Variants in TRIM71 observed in about 807,000 individuals in gnomAD.
TRIM71 encodes the protein E3 ubiquitin-protein ligase TRIM71.
In TRIM71, 9 loss-of-function variants were observed where a neutral mutation model predicts 61.2. That is an observed-to-expected ratio of 0.15 (90% confidence interval 0.09 to 0.26). The LOEUF is 0.26. Ranked by LOEUF, TRIM71 falls within the 10% of genes least tolerant of loss-of-function variation. The probability of loss-of-function intolerance (pLI) is 1.00; values close to 1 mark genes in which losing one functional copy is unlikely to be tolerated. For synonymous variants in TRIM71, 645 were observed against 553.2 expected, an observed-to-expected ratio of 1.17 and a Z score of -2.33; for missense variants, 998 against 1,238.7, an observed-to-expected ratio of 0.81 and a Z score of 2.92.
At chr3:32,865,529 C>G (rs1009003749) in intron 1 of TRIM71, among the ~76,000 whole-genome samples, 6 of 152,082 alleles carry the variant, frequency 3.9e-5, no homozygotes, top group Admixed American at 6.6e-5. Flanking sequence ...TGGTCGAAGG[C>G]GTTTGCTGTG....
rs977715956 is a variant in TRIM71 at position 32,890,183 on chromosome 3, G to A, written c.1156-177G>A. ...CTCTGTAACCCAGAACAGTTCTTCA[G>A]GTTTTTTGGTCCATTTTGATTTTGC... On this transcript the variant is annotated intron_variant, in intron 3 of 3. Coordinates refer to ENST00000383763, the MANE Select transcript of TRIM71 (RefSeq NM_001039111.3). This position sits in a 1 kb window ranked among gnomAD's most constrained non-coding sequence, Gnocchi z 6.2. Among the ~76,000 whole-genome samples, 1 of 152,096 alleles carries A rather than the reference G, an allele frequency of 6.6e-6. No individual in the cohort carries two copies. Among genetic ancestry groups the A allele is most frequent in the Non-Finnish European group, 1.5e-5 (1 of 68,018 alleles).
At chr3:32,820,669 A>G (rs1209404628) in intron 1 of TRIM71, among the ~76,000 whole-genome samples, 5 of 152,220 alleles carry the variant, frequency 3.3e-5, no homozygotes, top group Admixed American at 2.6e-4. Context: ...AGATACACCT[A>G]TATTTTATTT....
chr3:32,839,654 C>CT (rs143600217), intron 1 of TRIM71, among the ~76,000 whole-genome samples: 6 of 83,780 alleles, frequency 7.2e-5, no homozygotes, highest in Middle Eastern at 5.6e-3. Flanking sequence ...GATTATTGAG[C>CT]TTTTTTTGGG....
rs71068090 is a variant in TRIM71, at chr3:32,826,582, C to CTTTTTTTTTTTTTT, written c.852+7659_852+7672dup. Among the ~76,000 whole-genome samples the CTTTTTTTTTTTTTT allele has an allele frequency of 1.7e-4, 14 of 83,098 alleles. 5 individuals are homozygous for CTTTTTTTTTTTTTT. Among genetic ancestry groups the CTTTTTTTTTTTTTT allele is most frequent in the African/African-American group, 3.6e-4 (7 of 19,374 alleles). 54.5% of individuals were successfully genotyped at this position (83,098 alleles called of 152,430 possible). A position where few individuals can be genotyped will look rare whatever the true frequency, so the allele number is the denominator to read the frequency against. The stretch of plus-strand genomic sequence containing the variant: ...AACTTTAATTCCCATCAGGTGAGTT[C>CTTTTTTTTTTTTTT]TTTTTTTTTTTTTTTTTTTTTTGAG... On this transcript the variant is annotated intron_variant, in intron 1 of 3. Transcript: ENST00000383763.
At chr3:32,833,629 T>C (rs889141018) in intron 1 of TRIM71, among the ~76,000 whole-genome samples, 16 of 149,036 alleles carry the variant, frequency 1.1e-4, no homozygotes, top group African/African-American at 4.0e-4. Context: ...GTACTGAGAA[T>C]GCTTTTTTAT....
Position 32,890,602 on chromosome 3 carries a change from G to A in TRIM71, c.1398G>A (p.Gln466=), listed in dbSNP as rs761404366. 2 of 1,613,818 alleles carry A rather than the reference G, an allele frequency of 1.2e-6. No individual in the cohort carries two copies. The highest frequency in any genetic ancestry group is 1.3e-5 in the African/African-American group (1 of 74,928). The part of the protein sequence containing the change: ...DDRVMFTPPD[Q]ALYLAIKSFG... ...GAGTCATGTTCACACCCCCCGATCA[G>A]GCACTGTACCTTGCCATCAAGTCTT... Residue 466 remains glutamine, a synonymous_variant, in exon 4 of 4, where the codon CAG becomes CAA. Coordinates refer to ENST00000383763, the MANE Select transcript of TRIM71 (RefSeq NM_001039111.3). The surrounding 1 kb of genome is among the most constrained non-coding windows in gnomAD (Gnocchi z 6.2).
intron 3 of TRIM71, among the ~76,000 whole-genome samples, chr3:32,888,796 TC>T (rs1267411011): frequency 2.6e-5 from 4 of 152,154 alleles, no homozygotes; most frequent in Admixed American, 1.3e-4. Context: ...CATCTTGGCC[TC>T]CCAAAGCATG....
At position 32,874,324 on chromosome 3, in the gene TRIM71, T is replaced by TTACTACTAC. The variant is rs34214588; in HGVS notation, c.1020+376_1020+384dup. 5.0e-4 allele frequency among the ~76,000 whole-genome samples: 61 copies of TTACTACTAC among 121,568 alleles called. 1 individual carries two copies. The highest frequency in any genetic ancestry group is 1.2e-3 in the African/African-American group (30 of 25,942). The allele number at this position is 121,568 out of a possible 152,430, so 79.8% of individuals were successfully genotyped here. A position where few individuals can be genotyped will look rare whatever the true frequency, so the allele number is the denominator to read the frequency against. The stretch of plus-strand genomic sequence containing the variant: ...AGAAAGGCTGGGTGCTTAATGCTTA[T>TTACTACTAC]TACTACTACTACTACTACTACTACT... On this transcript the variant is annotated intron_variant, in intron 2 of 3. Coordinates refer to ENST00000383763, the MANE Select transcript of TRIM71 (RefSeq NM_001039111.3).
At chr3:32,849,703 C>A (rs992605770) in intron 1 of TRIM71, among the ~76,000 whole-genome samples, 3 of 151,982 alleles carry the variant, frequency 2.0e-5, no homozygotes, top group African/African-American at 7.3e-5. Flanking sequence ...GGCTGTTTTA[C>A]CAGGTAAACA....
chr3:32,857,376 A>G (rs1261519701), intron 1 of TRIM71, among the ~76,000 whole-genome samples: 4 of 152,174 alleles, frequency 2.6e-5, no homozygotes, highest in Non-Finnish European at 5.9e-5. Context: ...CAGTGGCTGA[A>G]GTTCTTCTTG....
chr3:32,879,089 T>C (rs1696879897), intron 2 of TRIM71, among the ~76,000 whole-genome samples: 1 of 145,290 alleles, frequency 6.9e-6, no homozygotes, highest in Non-Finnish European at 1.5e-5. Context: ...ACTTGTTTTC[T>C]TAAACCGTAT....
chr3:32,877,911 A>T (rs1348583042), intron 2 of TRIM71, among the ~76,000 whole-genome samples: 2 of 152,100 alleles, frequency 1.3e-5, no homozygotes, highest in East Asian at 3.9e-4. Flanking sequence ...TGATATTTTG[A>T]CCTCTACCTA....
At chr3:32,866,105 C>T (rs559426396) in intron 1 of TRIM71, among the ~76,000 whole-genome samples, 50 of 151,834 alleles carry the variant, frequency 3.3e-4, no homozygotes, top group African/African-American at 8.2e-4. Flanking sequence ...GGATTACAGG[C>T]GTGAGCCACC....
chr3:32,848,263 T>C (rs1696497549), intron 1 of TRIM71, among the ~76,000 whole-genome samples: 1 of 152,218 alleles, frequency 6.6e-6, no homozygotes, highest in Non-Finnish European at 1.5e-5. Context: ...GATCTGAATA[T>C]ATGGTGAGTT....
At chr3:32,839,911 G>C (rs996338776) in intron 1 of TRIM71, among the ~76,000 whole-genome samples, 7 of 152,140 alleles carry the variant, frequency 4.6e-5, no homozygotes, top group Non-Finnish European at 1.0e-4. Flanking sequence ...TTGAAAAACT[G>C]GGAAGCACTT....
chr3:32,894,661 C>A lies in TRIM71; in HGVS notation c.*2850C>A, dbSNP rs911431560. The A allele has an allele frequency of 6.6e-6, 1 of 152,224 alleles. No individual in the cohort carries two copies. The highest frequency in any genetic ancestry group is 1.5e-5 in the Non-Finnish European group (1 of 68,046). The allele number at this position is 152,224 out of a possible 1,614,324, so 9.4% of individuals were successfully genotyped here. A position where few individuals can be genotyped will look rare whatever the true frequency, so the allele number is the denominator to read the frequency against. On this transcript the variant is annotated 3_prime_UTR_variant, in exon 4 of 4. Transcript: ENST00000383763. The stretch of plus-strand genomic sequence containing the variant: ...GGCGGTTTTTCCTGCCCGTGGTTGA[C>A]TCCTGACCCATAGGGATTGGTGCGA...
intron 1 of TRIM71, among the ~76,000 whole-genome samples, 172 bp downstream of exon 1, chr3:32,819,104 A>G (rs778437505): frequency 6.6e-6 from 1 of 152,164 alleles, no homozygotes; most frequent in African/African-American, 2.4e-5. Flanking sequence ...CCTGGGAAGT[A>G]TGTGGAAGTG....
rs540480582 is a variant in TRIM71, at chr3:32,868,699, T to A, written c.853-5119T>A. Reference sequence around the variant, plus strand: ...TGAGACATTAGGGTTTTTTTTTTTTTTAAAAAACTGTTTGCTTGTATTACT... The same window carrying A: ...TGAGACATTAGGGTTTTTTTTTTTTATAAAAAACTGTTTGCTTGTATTACT... On this transcript the variant is annotated intron_variant, in intron 1 of 3. Transcript: ENST00000383763. 7.9e-3 allele frequency among the ~76,000 whole-genome samples: 1,196 copies of A among 151,380 alleles called. 14 individuals are homozygous for A. The highest frequency in any genetic ancestry group is 0.027 in the African/African-American group (1,112 of 40,782).
chr3:32,848,912 C>G (rs947200613), intron 1 of TRIM71, among the ~76,000 whole-genome samples: 1 of 152,172 alleles, frequency 6.6e-6, no homozygotes, highest in Non-Finnish European at 1.5e-5. Context: ...CCCTAAGCCC[C>G]TAAACCCCAA....
Sources: gnomAD v4.1 joint callset for allele counts (sites outside exome capture counted in the v4.1 genomes callset) on GRCh38, gnomAD v4.1.1 for gene constraint, Gnocchi (gnomAD v3.1) non-coding constraint, MANE v1.5 for transcripts, NCBI Gene and HGNC (gene_info 2026-07-23, HGNC 2026-07-21) for gene names.